The following CCDC171 variants were observed in gnomAD, a reference collection of about 807,000 sequenced individuals.
CCDC171 encodes coiled-coil domain containing 171.
CCDC171 carries 177 observed loss-of-function variants against 168.2 expected under a neutral mutation model. That is an observed-to-expected ratio of 1.05 (90% CI 0.93 to 1.19). The LOEUF is 1.19. Among genes scored for constraint, CCDC171 ranks in the 50% most tolerant of loss-of-function variants. The pLI is 0.00. For synonymous variants in CCDC171, 687 were observed against 540.8 expected, an observed-to-expected ratio of 1.27 and a Z score of -3.75; for missense variants, 1,991 against 1,539.0, an observed-to-expected ratio of 1.29 and a Z score of -4.91.
intron 11 of CCDC171, among the ~76,000 whole-genome samples, chr9:15,701,673 C>T (rs528780473): frequency 1.4e-4 from 21 of 151,752 alleles, no homozygotes; most frequent in South Asian, 4.2e-4. Context: ...TCCGCCTCTC[C>T]GGAGTACAAT....
chr9:15,923,703 C>A (rs1158863346), intron 25 of CCDC171, among the ~76,000 whole-genome samples: 6 of 151,468 alleles, frequency 4.0e-5, no homozygotes, highest in African/African-American at 1.2e-4. Context: ...ATAGCTAGAT[C>A]TAACAATTTA....
At chr9:15,946,278 C>T (rs1342250720) in intron 25 of CCDC171, among the ~76,000 whole-genome samples, 1 of 151,956 alleles carries the variant, frequency 6.6e-6, no homozygotes, top group East Asian at 2.0e-4. Context: ...GTTTTGGTTA[C>T]TGTAGCCAAA....
chr9:15,791,277 C>T (rs2058246379), intron 21 of CCDC171, among the ~76,000 whole-genome samples: 1 of 152,032 alleles, frequency 6.6e-6, no homozygotes, highest in African/African-American at 2.4e-5. Context: ...TTTCCTTGAG[C>T]AGTGGTTTGT....
At chr9:16,061,470 T>C (rs1348487147), downstream of CCDC171, 1 of 152,328 alleles carries the variant, frequency 6.6e-6, no homozygotes, top group East Asian at 1.9e-4. Context: ...CATGTTTATT[T>C]TCTCTCTTCC....
At chr9:15,679,786 T>C in intron 10 of CCDC171, among the ~76,000 whole-genome samples, 1 of 152,192 alleles carries the variant, frequency 6.6e-6, no homozygotes, top group East Asian at 1.9e-4. Context: ...TGGCCTCAAG[T>C]GGTCCTCCTG....
intron 24 of CCDC171, among the ~76,000 whole-genome samples, chr9:15,908,956 C>G (rs965057091): frequency 1.5e-4 from 23 of 152,304 alleles, no homozygotes; most frequent in African/African-American, 5.1e-4. Flanking sequence ...TGGGGACATA[C>G]ATGCAAACTA....
At chr9:15,616,476 A>G (rs2044093695) in intron 6 of CCDC171, among the ~76,000 whole-genome samples, 1 of 152,024 alleles carries the variant, frequency 6.6e-6, no homozygotes, top group African/African-American at 2.4e-5. Flanking sequence ...ACTATATAAA[A>G]TAGTTTCGAT....
At chr9:16,101,163 A>G in the CCDC171 span, among the ~76,000 whole-genome samples, 867 of 152,306 alleles carry the variant, frequency 5.7e-3, 4 homozygotes, top group Non-Finnish European at 9.8e-3. Context: ...ACACAAAGGA[A>G]ATACATTCTG....
intron 25 of CCDC171, among the ~76,000 whole-genome samples, chr9:15,946,725 C>T (rs1828443124): frequency 6.6e-6 from 1 of 151,960 alleles, no homozygotes. Context: ...CAATCCTAAG[C>T]CAAAAGAACA....
intron 7 of CCDC171, among the ~76,000 whole-genome samples, chr9:15,646,206 T>C (rs1049552012): frequency 6.6e-6 from 1 of 152,154 alleles, no homozygotes; most frequent in African/African-American, 2.4e-5. Flanking sequence ...CTGAGAGATT[T>C]TGTCACCACC....
chr9:15,706,260 CCTTCCTTCCTTT>C (rs1408752973), intron 11 of CCDC171, among the ~76,000 whole-genome samples: 7 of 150,462 alleles, frequency 4.7e-5, no homozygotes, highest in Non-Finnish European at 8.8e-5. Context: ...TTCCTTCCTT[CCTTCCTTCCTTT>C]CTTCCTTCCT....
At chr9:15,827,815 A>G (rs1257642459) in intron 21 of CCDC171, among the ~76,000 whole-genome samples, 3 of 152,168 alleles carry the variant, frequency 2.0e-5, no homozygotes, top group Non-Finnish European at 2.9e-5. Context: ...TTGTAGCTGA[A>G]TAAGCTTTTC....
intron 18 of CCDC171, among the ~76,000 whole-genome samples, chr9:15,751,453 G>A (rs368580821): frequency 1.6e-4 from 25 of 152,158 alleles, no homozygotes; most frequent in Non-Finnish European, 2.5e-4. Flanking sequence ...ACCAAGAAGA[G>A]CCCGCATAGC....
chr9:15,590,261 A>G (rs2041881825), intron 4 of CCDC171, among the ~76,000 whole-genome samples: 1 of 152,228 alleles, frequency 6.6e-6, no homozygotes, highest in Non-Finnish European at 1.5e-5. Flanking sequence ...TATTTTGAAC[A>G]TTTTGAATGT....
chr9:16,006,862 T>C (rs1367908984), intron 3 of CCDC171, among the ~76,000 whole-genome samples: 1 of 152,214 alleles, frequency 6.6e-6, no homozygotes, highest in African/African-American at 2.4e-5. Context: ...TCCAAGTCTT[T>C]GCTGTTGTGA....
intron 9 of CCDC171, among the ~76,000 whole-genome samples, chr9:15,675,187 GTTTTTTTTTTTT>G (rs138989790): frequency 1.3e-5 from 1 of 75,526 alleles, no homozygotes; most frequent in Non-Finnish European, 2.3e-5. Context: ...TGCAACTCCT[GTTTTTTTTTTTT>G]TTTTTTTTTG....
chr9:15,653,884 C>T (rs7036674), intron 7 of CCDC171, among the ~76,000 whole-genome samples: 61,855 of 151,668 alleles, frequency 0.41, 14,352 homozygotes, highest in East Asian at 0.77. Flanking sequence ...CCCAAAGTGA[C>T]GGGGGCCACT....
intron 3 of CCDC171, among the ~76,000 whole-genome samples, chr9:15,997,544 C>T (rs1832411899): frequency 6.6e-6 from 1 of 152,218 alleles, no homozygotes. Flanking sequence ...CAGGATTCTA[C>T]TGGGCCTTTC....
intron 11 of CCDC171, among the ~76,000 whole-genome samples, chr9:15,718,134 G>C (rs567835484): frequency 2.0e-5 from 3 of 152,202 alleles, no homozygotes. Context: ...AGACCTGGCA[G>C]CATTCACCAC....
Sources: allele counts gnomAD v4.1 joint callset (sites outside exome capture counted in the v4.1 genomes callset), GRCh38; gene constraint gnomAD v4.1.1; transcripts MANE v1.5; gene names NCBI Gene and HGNC (gene_info 2026-07-23, HGNC 2026-07-21).